Variants in USP34 observed in about 807,000 individuals in gnomAD.
USP34 encodes ubiquitin specific peptidase 34.
Under a neutral mutation model 460.3 loss-of-function variants are expected in USP34, and 70 were observed. The ratio of observed to expected loss-of-function variants is 0.15; its 90% CI spans 0.13 to 0.19. The LOEUF (loss-of-function observed/expected upper bound fraction) is 0.19, where lower values mean the gene tolerates loss of function less well. USP34 is among the 10% of genes least tolerant of loss of function. The pLI is 1.00. For missense variants in USP34, 3,985 were observed against 4,236.2 expected (o/e 0.94, Z 1.65); for synonymous variants, 1,647 against 1,405.3 (o/e 1.17, Z -3.85).
intron 18 of USP34, among the ~76,000 whole-genome samples, chr2:61,339,114 T>C (rs990762994): frequency 6.6e-6 from 1 of 152,158 alleles, no homozygotes; most frequent in Non-Finnish European, 1.5e-5. Flanking sequence ...TTTGTTTCTG[T>C]TGGGTGGATC....
chr2:61,284,385 TGAGA>T (rs1434641049), intron 35 of USP34, among the ~76,000 whole-genome samples: 2 of 152,168 alleles, frequency 1.3e-5, no homozygotes, highest in African/African-American at 4.8e-5. Flanking sequence ...AGAGAAAGGC[TGAGA>T]AAGTTATCTC....
intron 15 of USP34, among the ~76,000 whole-genome samples, chr2:61,344,820 G>A (rs566663616): frequency 1.3e-5 from 2 of 152,256 alleles, no homozygotes; most frequent in East Asian, 1.9e-4. Flanking sequence ...GGTGAATTTA[G>A]GCCCCTGGGG....
At chr2:61,232,594 A>C in intron 57 of USP34, 62 bp from the exon 58 acceptor site, 2 of 1,275,398 alleles carry the variant, frequency 1.6e-6, no homozygotes, top group Admixed American at 4.5e-5. Flanking sequence ...ATGGGATAAC[A>C]GTCACATAAG....
intron 25 of USP34, 99 bp from the exon 26 acceptor site, chr2:61,312,009 A>G: frequency 1.4e-6 from 2 of 1,417,416 alleles, no homozygotes; most frequent in Non-Finnish European, 1.9e-6. Context: ...AAAGTCCAAA[A>G]GAAGTTCTAA....
intron 43 of USP34, 143 bp downstream of exon 43, chr2:61,265,254 C>G: frequency 1.2e-6 from 1 of 843,870 alleles, no homozygotes; most frequent in Non-Finnish European, 1.8e-6. Context: ...ATGTAAAATA[C>G]ACATTAGCTA....
At chr2:61,262,378 C>T (rs1260931646) in intron 43 of USP34, among the ~76,000 whole-genome samples, 34 of 152,104 alleles carry the variant, frequency 2.2e-4, no homozygotes. Flanking sequence ...TCCATTGTTC[C>T]TGTGTGTCCA....
intron 67 of USP34, among the ~76,000 whole-genome samples, chr2:61,218,905 TACTGTAAAGTTTCTTC>T (rs1157663930): frequency 6.6e-6 from 1 of 152,234 alleles, no homozygotes; most frequent in Non-Finnish European, 1.5e-5. Flanking sequence ...GGCTGAGTTG[TACTGTAAAGTTTCTTC>T]ACTGTAAAGT....
intron 1 of USP34, among the ~76,000 whole-genome samples, chr2:61,445,288 C>T (rs1047330087): frequency 1.4e-5 from 2 of 146,166 alleles, no homozygotes; most frequent in Non-Finnish European, 3.0e-5. Flanking sequence ...GTAATCCCAG[C>T]ACTTTGGGAG....
intron 18 of USP34, among the ~76,000 whole-genome samples, chr2:61,335,680 C>T (rs1347921288): frequency 3.9e-5 from 6 of 152,106 alleles, no homozygotes; most frequent in African/African-American, 1.2e-4. Context: ...GCCTGGGAGG[C>T]GGAGGTTACA....
intron 58 of USP34, 43 bp from the exon 59 acceptor site, chr2:61,229,676 G>C: frequency 6.6e-7 from 1 of 1,517,312 alleles, no homozygotes; most frequent in East Asian, 2.3e-5. Context: ...AACTCATCAG[G>C]TAACAAAGAT....
chr2:61,229,464 A>AC (rs1180090546), intron 59 of USP34, 84 bp downstream of exon 59: 10 of 635,408 alleles, frequency 1.6e-5, no homozygotes, highest in African/African-American at 1.6e-4. Context: ...TCTTAAAAAA[A>AC]AAAAAAAAAA....
At chr2:61,296,966 AAAAG>A in intron 29 of USP34, 41 bp from the exon 30 acceptor site, 2 of 1,552,894 alleles carry the variant, frequency 1.3e-6, no homozygotes, top group South Asian at 2.4e-5. Context: ...AACAGATCAG[AAAAG>A]AAAAAGTTTT....
intron 1 of USP34, among the ~76,000 whole-genome samples, chr2:61,443,443 T>C (rs533011695): frequency 7.9e-5 from 12 of 151,070 alleles, no homozygotes; most frequent in Middle Eastern, 3.4e-3. Context: ...AATTATTACG[T>C]CAATTAAAAT....
chr2:61,380,169 T>A lies in USP34; in HGVS notation c.1014A>T (p.Thr338=), dbSNP rs779186950. 1 of 1,611,154 alleles carries A rather than the reference T, an allele frequency of 6.2e-7. No individual in the cohort carries two copies. Residue 338 remains threonine (T), a splice_region_variant and synonymous_variant, in exon 7 of 80, where the codon ACA becomes ACT. Transcript: ENST00000398571. Reference sequence around the variant, plus strand: ...CAAAAATAAAACAAATACAGCTTACTGTTATCTGACTCAATCCAGCCAACC... The same window carrying A: ...CAAAAATAAAACAAATACAGCTTACAGTTATCTGACTCAATCCAGCCAACC... ...TMRLAGLSQI[T]NQLHTFNDVC... is the part of the protein sequence containing the mutation.
At chr2:61,194,930 A>G (rs1003507018) in intron 75 of USP34, among the ~76,000 whole-genome samples, 3 of 143,394 alleles carry the variant, frequency 2.1e-5, no homozygotes, top group Admixed American at 7.2e-5. Flanking sequence ...TCCAGCCTGG[A>G]CAACAAGAGT....
At chr2:61,444,272 AAACTC>A (rs991304430) in intron 1 of USP34, among the ~76,000 whole-genome samples, 1 of 152,144 alleles carries the variant, frequency 6.6e-6, no homozygotes, top group African/African-American at 2.4e-5. Context: ...TAAAAAGAAA[AAACTC>A]AAAAGCCTAA....
At chr2:61,269,172 G>C (rs1047550066) in intron 41 of USP34, among the ~76,000 whole-genome samples, 2 of 152,020 alleles carry the variant, frequency 1.3e-5, no homozygotes, top group African/African-American at 4.8e-5. Context: ...ATTTCAGAAA[G>C]GAGAGTTTGG....
At chr2:61,237,407 G>C (rs1688099218) in intron 53 of USP34, among the ~76,000 whole-genome samples, 1 of 152,024 alleles carries the variant, frequency 6.6e-6, no homozygotes, top group Non-Finnish European at 1.5e-5. Flanking sequence ...TGGTCAACAT[G>C]ATCTCCTGGA....
At chr2:61,209,188 C>T (rs1558467221) in intron 69 of USP34, among the ~76,000 whole-genome samples, 2 of 152,086 alleles carry the variant, frequency 1.3e-5, no homozygotes, top group African/African-American at 4.8e-5. Flanking sequence ...AATATCTAAT[C>T]AACTGCTAAT....
Sources: allele counts gnomAD v4.1 joint callset (sites outside exome capture counted in the v4.1 genomes callset), GRCh38; gene constraint gnomAD v4.1.1; transcripts MANE v1.5; gene names NCBI Gene and HGNC (gene_info 2026-07-23, HGNC 2026-07-21).